TMSB10: variants seen among roughly 807,000 people sequenced by gnomAD.
TMSB10 encodes the protein thymosin beta-10.
Under a neutral mutation model 4.5 loss-of-function variants are expected in TMSB10, and 4 were observed. The ratio of observed to expected loss-of-function variants is 0.89; its 90% CI spans 0.44 to 2.03. The LOEUF is 2.03. Ranked by LOEUF, TMSB10 falls within the 30% of genes most tolerant of loss-of-function variation. The pLI is 0.03. For synonymous variants in TMSB10, 17 were observed against 20.3 expected, an observed-to-expected ratio of 0.84 and a Z score of 0.44; for missense variants, 44 against 53.9, an observed-to-expected ratio of 0.82 and a Z score of 0.57.
At position 84,906,406 on chromosome 2, in the gene TMSB10, C is replaced by T; in HGVS notation, c.118C>T (p.Arg40Trp). Residue 40 changes from arginine (R) to tryptophan (W), a missense_variant, in exon 3 of 3, where the codon CGG (arginine) becomes TGG (tryptophan). Coordinates refer to ENST00000233143, the MANE Select transcript of TMSB10 (RefSeq NM_021103.4). ...CTCCACAGCCATTGAGCAGGAGAAGCGGAGTGAAATTTCCTAAGATCCTGG... is the reference window on the plus strand; with the variant it reads ...CTCCACAGCCATTGAGCAGGAGAAGTGGAGTGAAATTTCCTAAGATCCTGG... The part of the protein sequence containing the change: ...PTKETIEQEK[R>W]SEIS 1 of 1,606,080 alleles carries T rather than the reference C, an allele frequency of 6.2e-7. No individual in the cohort carries two copies.
At position 84,905,954 on chromosome 2, in the gene TMSB10, G is replaced by C. The variant is rs1480025792; in HGVS notation, c.-15-49G>C. ...GAGGCGTCGGCGGGGAGCGCGGAAG[G>C]GGACGCTGGCCCCCAGGCCCAGGTC... On this transcript the variant is annotated intron_variant, in intron 1 of 2. Transcript: ENST00000233143. 8 of 1,515,980 alleles carry C rather than the reference G, an allele frequency of 5.3e-6. No homozygotes were observed. In the East Asian group the frequency reaches 1.8e-4, roughly 35 times the overall value. The allele number at this position is 1,515,980 out of a possible 1,614,324, so 93.9% of individuals were successfully genotyped here.
chr2:84,905,819 G>T, intron 1 of TMSB10, 101 bp downstream of exon 1: 1 of 451,944 alleles, frequency 2.2e-6, no homozygotes, highest in Non-Finnish European at 3.9e-6. Context: ...TCTCGGACCG[G>T]ACGCAGGGGC....
Position 84,906,418 on chromosome 2 carries a change from T to G in TMSB10, c.130T>G (p.Ser44Ala). The G allele has an allele frequency of 6.2e-7, 1 of 1,606,330 alleles. No individual in the cohort carries two copies. Among genetic ancestry groups the G allele is most frequent in the South Asian group, 1.1e-5 (1 of 90,046 alleles). Residue 44 changes from serine to alanine, a missense_variant, in exon 3 of 3, where the codon TCC becomes GCC. By Grantham distance (99) the Ser-to-Ala change is moderately conservative (BLOSUM62 1). Coordinates refer to ENST00000233143, the MANE Select transcript of TMSB10 (RefSeq NM_021103.4). Reference protein sequence around the residue: ...TIEQEKRSEIS With the variant: ...TIEQEKRSEIA ...TGAGCAGGAGAAGCGGAGTGAAATT[T>G]CCTAAGATCCTGGAGGATTTCCTAC...
Position 84,905,764 on chromosome 2 carries a change from A to G in TMSB10, c.-16+46A>G. On this transcript the variant is annotated intron_variant, in intron 1 of 2. Transcript: ENST00000233143. ...GGGGGCCCACCCAGGGTGTGGTCGG[A>G]TCCGGTGCACCGGGCGGGCGCGCCG... 8.1e-6 allele frequency: 3 copies of G among 368,218 alleles called. No individual in the cohort carries two copies. In the East Asian group the frequency reaches 1.8e-4, roughly 22 times the overall value. 22.8% of individuals were successfully genotyped at this position (368,218 alleles called of 1,614,324 possible).
In TMSB10 at chr2:84,906,001, A is replaced by G. The variant is rs879179943; in HGVS notation, c.-15-2A>G. ...GGTCAAGCGCCTTGGTTTGCCCACT[A>G]GGATTGTTTTAAGAAAATGGCAGAC... On this transcript the variant is annotated splice_acceptor_variant, in intron 1 of 2. Coordinates refer to ENST00000233143, the MANE Select transcript of TMSB10 (RefSeq NM_021103.4). LOFTEE classifies it low-confidence loss of function (5UTR_SPLICE). The G allele has an allele frequency of 1.9e-6, 3 of 1,612,370 alleles. No individual in the cohort carries two copies. Among genetic ancestry groups the G allele is most frequent in the Non-Finnish European group, 8.5e-7 (1 of 1,179,104 alleles).
chr2:84,906,365 G>T, intron 2 of TMSB10, 24 bp from the exon 3 acceptor site: 2 of 1,589,520 alleles, frequency 1.3e-6, no homozygotes, highest in Non-Finnish European at 1.7e-6. Context: ...CTCCCCTCCA[G>T]CGCCCGCTTC....
chr2:84,906,462 C>T lies in TMSB10; in HGVS notation c.*39C>T. ...TTCCTACCCCCGTCCTCTTCGAGAC[C>T]CCAGTCGTGATGTGGAGGAAGAGCC... On this transcript the variant is annotated 3_prime_UTR_variant, in exon 3 of 3. Transcript: ENST00000233143. 1.9e-6 allele frequency: 3 copies of T among 1,590,362 alleles called. No homozygotes were observed. The highest frequency in any genetic ancestry group is 2.3e-5 in the East Asian group (1 of 44,430).
Position 84,906,033 on chromosome 2 carries a change from G to A in TMSB10, c.16G>A (p.Asp6Asn). MADKP[D>N]MGEIASFDKA... Reference sequence around the variant, plus strand: ...TTTTAAGAAAATGGCAGACAAACCAGACATGGGGGAAATCGCCAGCTTCGA... The same window carrying A: ...TTTTAAGAAAATGGCAGACAAACCAAACATGGGGGAAATCGCCAGCTTCGA... The change falls in exon 2 of 3, where the codon GAC becomes AAC. Residue 6 changes from aspartate to asparagine, a missense_variant. Transcript: ENST00000233143. 1 of 1,614,110 alleles carries A rather than the reference G, an allele frequency of 6.2e-7. No homozygotes were observed. The highest frequency in any genetic ancestry group is 8.5e-7 in the Non-Finnish European group (1 of 1,179,994).
In TMSB10 at chr2:84,906,330, C is replaced by A. The variant is rs1683693071; in HGVS notation, c.101-59C>A. ...GGTGCCTCGCCCACACCGGGAAGCA[C>A]CTCGGTTGCGGGTGGGGGTTGCAGC... On this transcript the variant is annotated intron_variant, in intron 2 of 2. Transcript: ENST00000233143. 10 of 1,551,182 alleles carry A rather than the reference C, an allele frequency of 6.4e-6. No individual in the cohort carries two copies. The East Asian group carries it at 1.4e-4, about 22-fold the overall frequency.
Position 84,906,477 on chromosome 2 carries a change from G to GACCCC in TMSB10, c.*55_*56insCCCCA, listed in dbSNP as rs1683697490. 6.4e-7 allele frequency: 1 copy of GACCCC among 1,557,440 alleles called. No individual in the cohort carries two copies. Among genetic ancestry groups the GACCCC allele is most frequent in the Admixed American group, 1.9e-5 (1 of 53,420 alleles). On this transcript the variant is annotated 3_prime_UTR_variant, in exon 3 of 3. Transcript: ENST00000233143. ...TCTTCGAGACCCCAGTCGTGATGTG[G>GACCCC]AGGAAGAGCCACCTGCAAGATGGAC...
chr2:84,906,355 C>T, intron 2 of TMSB10, 34 bp from the exon 3 acceptor site: 1 of 1,580,624 alleles, frequency 6.3e-7, no homozygotes, highest in East Asian at 2.3e-5. Context: ...GGGGTTGCAG[C>T]TCCCCTCCAG....
intron 1 of TMSB10, 70 bp from the exon 2 acceptor site, chr2:84,905,933 C>A: frequency 1.5e-6 from 2 of 1,312,364 alleles, no homozygotes; most frequent in South Asian, 1.3e-5. Flanking sequence ...CGTCGAGAGG[C>A]GTCGGCGGGG....
intron 2 of TMSB10, 56 bp downstream of exon 2, chr2:84,906,173 T>G (rs1249965937): frequency 6.4e-7 from 1 of 1,558,628 alleles, no homozygotes; most frequent in Non-Finnish European, 8.7e-7. Context: ...TGCTCTTCCT[T>G]GCAAACCCAC....
At chr2:84,906,252 G>A (rs1443411788) in intron 2 of TMSB10, 135 bp downstream of exon 2, 12 of 1,432,486 alleles carry the variant, frequency 8.4e-6, no homozygotes, top group Non-Finnish European at 1.1e-5. Flanking sequence ...GTTTCACAAA[G>A]CGCCTTGTTT....
Position 84,906,511 on chromosome 2 carries a change from C to G in TMSB10, c.*88C>G, listed in dbSNP as rs1683698285. ...CCACCTGCAAGATGGACACGAGCCA[C>G]AAGCTGCACTGTGAACCTGGGCACT... On this transcript the variant is annotated 3_prime_UTR_variant, in exon 3 of 3. Transcript: ENST00000233143. 1.4e-6 allele frequency: 2 copies of G among 1,481,338 alleles called. No homozygotes were observed. Among genetic ancestry groups the G allele is most frequent in the Non-Finnish European group, 1.8e-6 (2 of 1,098,748 alleles). The allele number at this position is 1,481,338 out of a possible 1,614,324, so 91.8% of individuals were successfully genotyped here.
chr2:84,906,426 T>A lies in TMSB10; in HGVS notation c.*3T>A, dbSNP rs991793786. The A allele has an allele frequency of 6.2e-7, 1 of 1,606,130 alleles. No individual in the cohort carries two copies. The highest frequency in any genetic ancestry group is 1.3e-5 in the African/African-American group (1 of 74,922). ...AGAAGCGGAGTGAAATTTCCTAAGA[T>A]CCTGGAGGATTTCCTACCCCCGTCC... On this transcript the variant is annotated 3_prime_UTR_variant, in exon 3 of 3. Transcript: ENST00000233143.
intron 1 of TMSB10, 58 bp downstream of exon 1, chr2:84,905,776 G>C (rs1037768175): frequency 5.2e-6 from 2 of 381,672 alleles, no homozygotes; most frequent in Admixed American, 5.1e-5. Flanking sequence ...CCGGTGCACC[G>C]GGCGGGCGCG....
rs950730282 is a variant in TMSB10, at chr2:84,906,602, TC to T, written c.*181del. 12 of 551,838 alleles carry T rather than the reference TC, an allele frequency of 2.2e-5. No individual in the cohort carries two copies. Among genetic ancestry groups the T allele is most frequent in the Non-Finnish European group, 3.6e-5 (12 of 334,346 alleles). 34.2% of individuals were successfully genotyped at this position (551,838 alleles called of 1,614,324 possible). On this transcript the variant is annotated 3_prime_UTR_variant, in exon 3 of 3. Transcript: ENST00000233143. ...CCCCCCCAATCGGACTGCCAAATTCTCCGGTTTGCCCCGGGATATTATAGAA... is the reference window on the plus strand; with the variant it reads ...CCCCCCCAATCGGACTGCCAAATTCTCGGTTTGCCCCGGGATATTATAGAA...
chr2:84,905,929 G>C (rs1683684698), intron 1 of TMSB10, 74 bp from the exon 2 acceptor site: 13 of 1,283,236 alleles, frequency 1.0e-5, no homozygotes, highest in Non-Finnish European at 1.4e-5. Context: ...GCCACGTCGA[G>C]AGGCGTCGGC....
Sources: allele counts gnomAD v4.1 joint callset, GRCh38; gene constraint gnomAD v4.1.1; transcripts MANE v1.5; gene names NCBI Gene and HGNC (gene_info 2026-07-23, HGNC 2026-07-21).